Variants in MROH1 observed in about 807,000 individuals in gnomAD.
The protein encoded by MROH1 is maestro heat like repeat family member 1.
MROH1 carries 117 observed loss-of-function variants against 116.5 expected under a neutral mutation model. The observed-to-expected ratio is 1.00, with a 90% CI of 0.86 to 1.17. The LOEUF (loss-of-function observed/expected upper bound fraction) is 1.17, where lower values mean the gene tolerates loss of function less well. Among genes scored for constraint, MROH1 ranks in the 50% most tolerant of loss-of-function variants. The pLI, the probability that MROH1 is intolerant of heterozygous loss-of-function variation, is 0.00. For missense variants in MROH1, 1,873 were observed against 1,338.5 expected (o/e 1.40, Z -6.23); for synonymous variants, 921 against 583.9 (o/e 1.58, Z -8.32).
intron 12 of MROH1, among the ~76,000 whole-genome samples, chr8:144,201,582 A>C (rs1305700835): frequency 6.6e-6 from 1 of 152,184 alleles, no homozygotes; most frequent in Non-Finnish European, 1.5e-5. Flanking sequence ...CAAAGCCTAA[A>C]ATATTTTCTG....
In MROH1 at chr8:144,179,440, G is replaced by T. The variant is rs371384329; in HGVS notation, c.169-15G>T. The T allele has an allele frequency of 6.2e-7, 1 of 1,612,670 alleles. No homozygotes were observed. The highest frequency in any genetic ancestry group is 8.5e-7 in the Non-Finnish European group (1 of 1,179,350). On this transcript the variant is annotated splice_polypyrimidine_tract_variant and intron_variant, in intron 4 of 43. Coordinates refer to ENST00000326134, the MANE Select transcript of MROH1 (RefSeq NM_032450.3). ...GGGCTCACCTGGGACCGACCTGGAC[G>T]GTGTCTCTCCGCAGCTGGCACACCC...
intron 19 of MROH1, 77 bp downstream of exon 19, chr8:144,240,230 G>A (rs1840736473): frequency 2.9e-6 from 2 of 678,894 alleles, no homozygotes; most frequent in East Asian, 5.3e-5. Flanking sequence ...GCAGAGGCTG[G>A]GCCACCTGCC....
chr8:144,260,890 A>G lies in MROH1; in HGVS notation c.4537-17A>G. 1 of 777,596 alleles carries G rather than the reference A, an allele frequency of 1.3e-6. No individual in the cohort carries two copies. The highest frequency in any genetic ancestry group is 2.4e-6 in the Non-Finnish European group (1 of 417,748). 48.2% of individuals were successfully genotyped at this position (777,596 alleles called of 1,614,324 possible). On this transcript the variant is annotated splice_polypyrimidine_tract_variant and intron_variant, in intron 40 of 43. Coordinates refer to ENST00000326134, the MANE Select transcript of MROH1 (RefSeq NM_032450.3). ...GGTGGCCTCAACTGGACTTGGCCCC[A>G]GTGCCGCATCCCTTAGGCCTGCAGG...
chr8:144,220,094 T>C (rs1436724442), intron 12 of MROH1, among the ~76,000 whole-genome samples: 1 of 152,212 alleles, frequency 6.6e-6, no homozygotes, highest in East Asian at 1.9e-4. Flanking sequence ...ATCCACTTTT[T>C]ATCCCCATTT....
intron 4 of MROH1, among the ~76,000 whole-genome samples, chr8:144,172,973 T>A (rs1206384680): frequency 1.3e-5 from 2 of 152,164 alleles, no homozygotes; most frequent in Non-Finnish European, 2.9e-5. Flanking sequence ...ATTTTAGAGT[T>A]TAGCTTTTTT....
intron 12 of MROH1, 43 bp downstream of exon 12, chr8:144,200,584 T>G: frequency 2.2e-6 from 3 of 1,369,120 alleles, no homozygotes; most frequent in Non-Finnish European, 3.1e-6. Flanking sequence ...CCTGGCCATG[T>G]CCAGGATGGA....
At position 144,244,273 on chromosome 8, in the gene MROH1, C is replaced by CT. The variant is rs1249445270; in HGVS notation, c.2608dup (p.Cys870LeufsTer11). On this transcript the variant is annotated frameshift_variant, in exon 27 of 44. Transcript: ENST00000326134. LOFTEE classifies it high-confidence loss of function. ...AGGCCCGGGCGGATGTGATCCATGG[C>CT]TGCCTGCACAGCATCATGGCCCTGC... 2 of 718,790 alleles carry CT rather than the reference C, an allele frequency of 2.8e-6. No homozygotes were observed. Among genetic ancestry groups the CT allele is most frequent in the Non-Finnish European group, 5.2e-6 (2 of 385,244 alleles). 44.5% of individuals were successfully genotyped at this position (718,790 alleles called of 1,614,324 possible).
At chr8:144,153,412 G>A (rs1817323690) in intron 1 of MROH1, among the ~76,000 whole-genome samples, 1 of 151,916 alleles carries the variant, frequency 6.6e-6, no homozygotes, top group African/African-American at 2.4e-5. Flanking sequence ...GGCCAGTCTG[G>A]TCTCGAACTC....
chr8:144,219,340 T>TATAGAAGG, intron 12 of MROH1, among the ~76,000 whole-genome samples: 1 of 152,228 alleles, frequency 6.6e-6, no homozygotes. Flanking sequence ...TATTTTTTAG[T>TATAGAAGG]ACAGAAGGGG....
intron 14 of MROH1, among the ~76,000 whole-genome samples, chr8:144,236,744 A>AAAAAT (rs1182784593): frequency 6.6e-6 from 1 of 151,332 alleles, no homozygotes; most frequent in African/African-American, 2.4e-5. Context: ...CTCCATCTCA[A>AAAAAT]AAAATAAAAT....
At chr8:144,256,837 A>G (rs1843922975) in intron 35 of MROH1, among the ~76,000 whole-genome samples, 1 of 152,238 alleles carries the variant, frequency 6.6e-6, no homozygotes, top group East Asian at 1.9e-4. Context: ...AGATTTGTCG[A>G]AGCTGGTTGT....
chr8:144,257,988 C>T (rs1417405249), intron 35 of MROH1, among the ~76,000 whole-genome samples: 3 of 152,296 alleles, frequency 2.0e-5, no homozygotes, highest in East Asian at 1.9e-4. Context: ...TGCCCCAGAC[C>T]GTGCCTGTTG....
intron 12 of MROH1, among the ~76,000 whole-genome samples, chr8:144,203,847 C>A (rs979432677): frequency 1.3e-5 from 2 of 152,146 alleles, no homozygotes; most frequent in Admixed American, 6.5e-5. Context: ...ATGGGTTTTT[C>A]CATTCAGAAG....
chr8:144,191,999 A>C, intron 9 of MROH1, 144 bp downstream of exon 9: 1 of 996,730 alleles, frequency 1.0e-6, no homozygotes, highest in South Asian at 1.6e-5. Flanking sequence ...GTGGGCTGTG[A>C]AGGACAGGGC....
At position 144,243,613 on chromosome 8, in the gene MROH1, G is replaced by A. The variant is rs1030390001; in HGVS notation, c.2472G>A (p.Met824Ile). ...GGAAAGCAGAGCTGGTGGCACAGAT[G>A]ATGGTGAGCGTGGCCGTGGCCTGGC... Reference protein sequence around the residue: ...FTRKAELVAQMMEFIRAEPPD... With the variant: ...FTRKAELVAQIMEFIRAEPPD... The change falls in exon 25 of 44, where the codon ATG becomes ATA. Residue 824 changes from methionine (M) to isoleucine (I), a missense_variant. Coordinates refer to ENST00000326134, the MANE Select transcript of MROH1 (RefSeq NM_032450.3). The A allele has an allele frequency of 1.2e-5, 9 of 779,404 alleles. No individual in the cohort carries two copies. Among genetic ancestry groups the A allele is most frequent in the Admixed American group, 1.7e-5 (1 of 59,030 alleles). The allele number at this position is 779,404 out of a possible 1,614,324, so 48.3% of individuals were successfully genotyped here.
chr8:144,235,608 G>A (rs1417886653), intron 14 of MROH1, among the ~76,000 whole-genome samples: 2 of 151,582 alleles, frequency 1.3e-5, no homozygotes, highest in African/African-American at 4.8e-5. Flanking sequence ...TGTCGTTTTT[G>A]TTCTTTATTT....
At chr8:144,234,871 A>T (rs9720868) in intron 14 of MROH1, among the ~76,000 whole-genome samples, 141,104 of 141,104 alleles carry the variant, frequency 1, 70,552 homozygotes, top group Non-Finnish European at 1. Context: ...TGTATAGAAA[A>T]ACAATTATCC....
intron 35 of MROH1, among the ~76,000 whole-genome samples, chr8:144,255,924 C>T (rs994398832): frequency 1.3e-4 from 20 of 152,230 alleles, no homozygotes; most frequent in South Asian, 4.1e-4. Flanking sequence ...CCTCCCTCCT[C>T]GCCTCTGCGG....
chr8:144,261,510 C>G, intron 43 of MROH1, 145 bp from the exon 44 acceptor site: 1 of 687,534 alleles, frequency 1.5e-6, no homozygotes, highest in East Asian at 2.7e-5. Context: ...TCCAAAAGAG[C>G]TTAAAAAACA....
Sources: allele counts gnomAD v4.1 joint callset (sites outside exome capture counted in the v4.1 genomes callset), GRCh38; gene constraint gnomAD v4.1.1; transcripts MANE v1.5; gene names NCBI Gene and HGNC (gene_info 2026-07-23, HGNC 2026-07-21).